Variants in SASH1 observed in about 807,000 individuals in gnomAD.
SASH1 encodes the protein SAM and SH3 domain containing 1, also known as SAM and SH3 domain-containing protein 1.
SASH1 carries 44 observed loss-of-function variants against 125.2 expected under a neutral mutation model. The ratio of observed to expected loss-of-function variants is 0.35; its 90% CI spans 0.28 to 0.45. SASH1 has a LOEUF of 0.45. Among genes scored for constraint, SASH1 ranks in the 20% least tolerant of loss-of-function variants. The pLI, the probability that SASH1 is intolerant of heterozygous loss-of-function variation, is 1.00. For synonymous variants in SASH1, 639 were observed against 649.1 expected, an observed-to-expected ratio of 0.98 and a Z score of 0.24; for missense variants, 1,426 against 1,614.5, an observed-to-expected ratio of 0.88 and a Z score of 2.00.
At chr6:148,391,354 C>T (rs1007336798) in intron 2 of SASH1, among the ~76,000 whole-genome samples, 6 of 151,480 alleles carry the variant, frequency 4.0e-5, no homozygotes, top group Admixed American at 1.3e-4. Flanking sequence ...GGTGACCACC[C>T]GCGTTGGCCT....
At chr6:148,409,990 G>GAA (rs1784550633) in intron 2 of SASH1, among the ~76,000 whole-genome samples, 1 of 151,244 alleles carries the variant, frequency 6.6e-6, no homozygotes, top group African/African-American at 2.4e-5. Context: ...GACTATAAGG[G>GAA]AACATGCTCT....
In SASH1 at chr6:148,372,624, T is replaced by A. The variant is rs551956884; in HGVS notation, c.157-17510T>A. Among the ~76,000 whole-genome samples, 5 of 152,300 alleles carry A rather than the reference T, an allele frequency of 3.3e-5. No homozygotes were observed. The South Asian group carries it at 8.3e-4, about 25-fold the overall frequency. Reference sequence around the variant, plus strand: ...AAAGCATAAAGCAATATATAAATTGTTTATATTCATCTCCCCAAGGGCCTG... The same window carrying A: ...AAAGCATAAAGCAATATATAAATTGATTATATTCATCTCCCCAAGGGCCTG... On this transcript the variant is annotated intron_variant, in intron 1 of 19. Transcript: ENST00000367467.
intron 6 of SASH1, among the ~76,000 whole-genome samples, chr6:148,472,289 A>G (rs1251352666): frequency 2.0e-5 from 3 of 152,188 alleles, no homozygotes; most frequent in Non-Finnish European, 2.9e-5. Context: ...CGTGGAAATG[A>G]GAAAAACGGA....
chr6:148,245,445 G>A, the SASH1 span, among the ~76,000 whole-genome samples: 1 of 152,122 alleles, frequency 6.6e-6, no homozygotes, highest in East Asian at 1.9e-4. Flanking sequence ...AGATACAAAA[G>A]GTCAATCTAA....
chr6:148,387,529 T>C lies in SASH1; in HGVS notation c.157-2605T>C. Among the ~76,000 whole-genome samples, 2 of 149,652 alleles carry C rather than the reference T, an allele frequency of 1.3e-5. 1 individual carries two copies. Among genetic ancestry groups the C allele is most frequent in the Non-Finnish European group, 3.0e-5 (2 of 67,618 alleles). ...TCTTTCTTTTTCCTTCTTTCTTTCT[T>C]TCTTCTTTCTTTCTTTTCTTTTCCT... is the stretch of plus-strand genomic sequence containing the variant. On this transcript the variant is annotated intron_variant, in intron 1 of 19. Coordinates refer to ENST00000367467, the MANE Select transcript of SASH1 (RefSeq NM_015278.5).
intron 12 of SASH1, among the ~76,000 whole-genome samples, chr6:148,528,683 A>G (rs1015887212): frequency 2.6e-5 from 4 of 152,082 alleles, no homozygotes; most frequent in African/African-American, 7.2e-5. Context: ...AGTGGAGTGG[A>G]TATTGCTGGC....
At chr6:148,456,587 G>T (rs368994187) in intron 4 of SASH1, among the ~76,000 whole-genome samples, 1 of 152,184 alleles carries the variant, frequency 6.6e-6, no homozygotes, top group Non-Finnish European at 1.5e-5. Flanking sequence ...AATAGCAGGC[G>T]CAGTGGCTCA....
intron 13 of SASH1, 47 bp downstream of exon 13, chr6:148,531,708 C>G (rs1781530585): frequency 7.1e-7 from 1 of 1,401,584 alleles, no homozygotes; most frequent in Non-Finnish European, 9.4e-7. Flanking sequence ...GAGTTAATAT[C>G]TGACATATAC....
At chr6:148,489,469 A>G (rs966489922) in intron 8 of SASH1, among the ~76,000 whole-genome samples, 11 of 152,208 alleles carry the variant, frequency 7.2e-5, no homozygotes, top group African/African-American at 2.7e-4. Flanking sequence ...GAGATTCCAC[A>G]TTAATCTTAG....
chr6:148,233,450 C>A, the SASH1 span, among the ~76,000 whole-genome samples: 1 of 151,870 alleles, frequency 6.6e-6, no homozygotes, highest in Non-Finnish European at 1.5e-5. Flanking sequence ...TTCTTTCATA[C>A]GTTCATATCG....
the SASH1 span, among the ~76,000 whole-genome samples, chr6:148,204,493 A>G: frequency 6.6e-6 from 1 of 152,128 alleles, no homozygotes; most frequent in African/African-American, 2.4e-5. Context: ...GGAGTTCAAG[A>G]CCAGCCTGGC....
chr6:148,476,679 C>G (rs527891558), intron 7 of SASH1, among the ~76,000 whole-genome samples: 1 of 151,942 alleles, frequency 6.6e-6, no homozygotes, highest in Non-Finnish European at 1.5e-5. Flanking sequence ...ATCCATCCCC[C>G]CCAACCCCCA....
At chr6:148,424,238 T>C (rs925487863) in intron 2 of SASH1, among the ~76,000 whole-genome samples, 2 of 151,748 alleles carry the variant, frequency 1.3e-5, no homozygotes, top group East Asian at 1.9e-4. Flanking sequence ...TCTTCTTTTT[T>C]TTTTTTGGGG....
the SASH1 span, among the ~76,000 whole-genome samples, chr6:148,220,194 G>T: frequency 6.6e-6 from 1 of 152,168 alleles, no homozygotes; most frequent in African/African-American, 2.4e-5. Flanking sequence ...TGCAAGACCA[G>T]GCACAGACAG....
At chr6:148,514,649 G>A (rs1186322534) in intron 9 of SASH1, among the ~76,000 whole-genome samples, 193 bp downstream of exon 9, 1 of 151,830 alleles carries the variant, frequency 6.6e-6, no homozygotes, top group African/African-American at 2.4e-5. Flanking sequence ...GTGATGGAAT[G>A]AAGGGTCCTG....
At chr6:148,403,732 A>G (rs927639375) in intron 2 of SASH1, among the ~76,000 whole-genome samples, 12 of 152,068 alleles carry the variant, frequency 7.9e-5, no homozygotes, top group East Asian at 5.8e-4. Flanking sequence ...GGGTTTTGCT[A>G]TGTTGGCCAG....
chr6:148,256,600 G>A, the SASH1 span, among the ~76,000 whole-genome samples: 1 of 152,110 alleles, frequency 6.6e-6, no homozygotes, highest in Admixed American at 6.6e-5. Context: ...TTGTATGCTT[G>A]CAAATTTTTC....
At chr6:148,228,684 A>G in the SASH1 span, among the ~76,000 whole-genome samples, 1 of 152,208 alleles carries the variant, frequency 6.6e-6, no homozygotes, top group African/African-American at 2.4e-5. Flanking sequence ...TGAGCGTTTT[A>G]TGCTCCACCA....
the SASH1 span, among the ~76,000 whole-genome samples, chr6:148,247,148 T>C: frequency 2.0e-5 from 3 of 152,218 alleles, no homozygotes; most frequent in Non-Finnish European, 4.4e-5. Context: ...GAAGATTGTC[T>C]CTCAGAAGTG....
Sources: allele counts gnomAD v4.1 joint callset (sites outside exome capture counted in the v4.1 genomes callset), GRCh38; gene constraint gnomAD v4.1.1; transcripts MANE v1.5; gene names NCBI Gene and HGNC (gene_info 2026-07-23, HGNC 2026-07-21).